Variants in GRK3 observed in about 807,000 individuals in gnomAD.
GRK3 encodes G protein-coupled receptor kinase 3, also known as adrenergic, beta, receptor kinase 2.
Under a neutral mutation model 95.7 loss-of-function variants are expected in GRK3, and 54 were observed. The ratio of observed to expected loss-of-function variants is 0.56; its 90% confidence interval spans 0.45 to 0.71. GRK3 has a LOEUF of 0.71. Ranked by LOEUF, GRK3 falls within the 30% of genes least tolerant of loss-of-function variation. GRK3 has a pLI of 0.00. For missense variants in GRK3, 649 were observed against 851.2 expected, an observed-to-expected ratio of 0.76 and a Z score of 2.96; for synonymous variants, 281 against 290.8, an observed-to-expected ratio of 0.97 and a Z score of 0.34.
intron 9 of GRK3, among the ~76,000 whole-genome samples, chr22:25,681,423 G>A (rs151075980): frequency 2.0e-3 from 306 of 152,130 alleles, no homozygotes; most frequent in African/African-American, 7.2e-3. Context: ...ACCTGGAGAG[G>A]AGCCAGTGCA....
At chr22:25,607,469 A>C (rs974903298) in intron 2 of GRK3, among the ~76,000 whole-genome samples, 1 of 152,066 alleles carries the variant, frequency 6.6e-6, no homozygotes, top group Non-Finnish European at 1.5e-5. Context: ...CCCCGCCAGC[A>C]CATGCACAGG....
At chr22:25,587,264 G>C (rs574221986) in intron 1 of GRK3, among the ~76,000 whole-genome samples, 3 of 152,072 alleles carry the variant, frequency 2.0e-5, no homozygotes, top group Non-Finnish European at 2.9e-5. Flanking sequence ...TTGGAAACAA[G>C]GAGGCTGCAA....
At chr22:25,709,760 A>C (rs550362280) in intron 15 of GRK3, 138 bp from the exon 16 acceptor site, 1 of 677,034 alleles carries the variant, frequency 1.5e-6, no homozygotes, top group Non-Finnish European at 2.7e-6. Flanking sequence ...GTTTTGAAGG[A>C]AGCATATTTG....
rs560292763 is a variant in GRK3 at position 25,722,655 on chromosome 22, C to A, written c.*205C>A. 74 of 506,000 alleles carry A rather than the reference C, an allele frequency of 1.5e-4. No individual in the cohort carries two copies. Among genetic ancestry groups the A allele is most frequent in the African/African-American group, 1.1e-3 (60 of 52,408 alleles). The allele number at this position is 506,000 out of a possible 1,614,324, so 31.3% of individuals were successfully genotyped here. A position where few individuals can be genotyped will look rare whatever the true frequency, so the allele number is the denominator to read the frequency against. On this transcript the variant is annotated 3_prime_UTR_variant, in exon 21 of 21. Coordinates refer to ENST00000324198, the MANE Select transcript of GRK3 (RefSeq NM_005160.4). ...AGAAACTACTGAAGAAATAAAAGTT[C>A]TTTTTCTTTGCTACACACTTTGGTA... is the stretch of plus-strand genomic sequence containing the variant.
At chr22:25,674,356 C>T in intron 7 of GRK3, 81 bp from the exon 8 acceptor site, 1 of 1,108,358 alleles carries the variant, frequency 9.0e-7, no homozygotes, top group Non-Finnish European at 1.4e-6. Context: ...TAATTACTGT[C>T]TATGTTTTGC....
chr22:25,631,262 C>A (rs921040619), intron 2 of GRK3, among the ~76,000 whole-genome samples: 2 of 152,148 alleles, frequency 1.3e-5, no homozygotes, highest in Non-Finnish European at 2.9e-5. Flanking sequence ...TGTTGTGTAT[C>A]CTGGACGTGT....
chr22:25,687,993 T>C (rs113734863), intron 11 of GRK3, among the ~76,000 whole-genome samples: 8 of 152,186 alleles, frequency 5.3e-5, no homozygotes, highest in African/African-American at 1.4e-4. Context: ...TCCCAGCACT[T>C]TGGGAGGCCA....
intron 2 of GRK3, among the ~76,000 whole-genome samples, chr22:25,621,831 G>T (rs1357742827): frequency 6.6e-6 from 1 of 152,138 alleles, no homozygotes; most frequent in Non-Finnish European, 1.5e-5. Flanking sequence ...TCCCAGACCT[G>T]TTAGAAAGTG....
intron 3 of GRK3, among the ~76,000 whole-genome samples, chr22:25,654,507 C>T (rs1177695890): frequency 6.6e-6 from 1 of 152,134 alleles, no homozygotes; most frequent in Non-Finnish European, 1.5e-5. Flanking sequence ...AATGTAAAAA[C>T]GTAAGCTAAA....
Position 25,710,968 on chromosome 22 carries a change from A to T in GRK3, c.1396-100A>T, listed in dbSNP as rs3730317. 1,520 of 585,292 alleles carry T rather than the reference A, an allele frequency of 2.6e-3. 22 individuals carry two copies. Among genetic ancestry groups the T allele is most frequent in the South Asian group, 0.023 (794 of 33,882 alleles). 36.3% of individuals were successfully genotyped at this position (585,292 alleles called of 1,614,324 possible). A position where few individuals can be genotyped will look rare whatever the true frequency, so the allele number is the denominator to read the frequency against. ...TGAATGACATGCTGCGCAGTGGAGCATGCGGATATCTCGCACTGTGCTGTC... is the reference window on the plus strand; with the variant it reads ...TGAATGACATGCTGCGCAGTGGAGCTTGCGGATATCTCGCACTGTGCTGTC... On this transcript the variant is annotated intron_variant, in intron 16 of 20. Coordinates refer to ENST00000324198, the MANE Select transcript of GRK3 (RefSeq NM_005160.4).
intron 2 of GRK3, among the ~76,000 whole-genome samples, chr22:25,610,196 C>G (rs1037068592): frequency 6.6e-6 from 1 of 152,068 alleles, no homozygotes; most frequent in African/African-American, 2.4e-5. Context: ...GGTGTGGTGG[C>G]TCATACCTGT....
intron 2 of GRK3, among the ~76,000 whole-genome samples, chr22:25,625,255 T>C (rs537566358): frequency 3.0e-4 from 45 of 152,320 alleles, no homozygotes; most frequent in Non-Finnish European, 6.0e-4. Context: ...ATGAATATCA[T>C]TAATCATTAG....
intron 2 of GRK3, among the ~76,000 whole-genome samples, chr22:25,629,988 A>AAG (rs140772363): frequency 0.029 from 4,483 of 152,322 alleles, 84 homozygotes; most frequent in African/African-American, 0.051. Flanking sequence ...AATTGCATTG[A>AAG]AGACCCCTTC....
chr22:25,680,809 T>G (rs2085068083), intron 9 of GRK3, among the ~76,000 whole-genome samples: 1 of 152,220 alleles, frequency 6.6e-6, no homozygotes, highest in South Asian at 2.1e-4. Flanking sequence ...GGGGATACTT[T>G]CTATAGTTTT....
At chr22:25,673,238 T>C (rs2084999168) in intron 7 of GRK3, among the ~76,000 whole-genome samples, 1 of 151,922 alleles carries the variant, frequency 6.6e-6, no homozygotes, top group Admixed American at 6.6e-5. Context: ...ATTTTTTGTA[T>C]TTTTTAGTAG....
At chr22:25,679,701 C>T (rs1327188324) in intron 9 of GRK3, among the ~76,000 whole-genome samples, 1 of 152,096 alleles carries the variant, frequency 6.6e-6, no homozygotes, top group South Asian at 2.1e-4. Context: ...TGGCTGTGAC[C>T]TGGTGTTCAG....
chr22:25,692,091 G>A (rs1569198009), intron 12 of GRK3, among the ~76,000 whole-genome samples: 1 of 152,080 alleles, frequency 6.6e-6, no homozygotes, highest in African/African-American at 2.4e-5. Flanking sequence ...AGCTTCCCAG[G>A]TAGCTGGGAC....
chr22:25,605,848 G>A (rs1455322794), intron 2 of GRK3, among the ~76,000 whole-genome samples: 1 of 152,178 alleles, frequency 6.6e-6, no homozygotes, highest in Non-Finnish European at 1.5e-5. Context: ...TTTTGCACTG[G>A]GCTTCTTCAG....
In GRK3 at chr22:25,663,631, CT is replaced by C; in HGVS notation, c.371del (p.Phe124SerfsTer6). ...AAATATTATTTTTGACTTTGATAGCCTTTCTCAAAGCAAGCTGTAGAACACG... is the reference window on the plus strand; with the variant it reads ...AAATATTATTTTTGACTTTGATAGCCTTCTCAAAGCAAGCTGTAGAACACG... ...IMKELLSCSH[P>X]FSKQAVEHVQ... is the part of the protein sequence containing the mutation. On this transcript the variant is annotated frameshift_variant and splice_region_variant, in exon 5 of 21. Transcript: ENST00000324198. LOFTEE classifies it high-confidence loss of function. The C allele has an allele frequency of 6.2e-7, 1 of 1,601,030 alleles. No individual in the cohort carries two copies. Among genetic ancestry groups the C allele is most frequent in the Non-Finnish European group, 8.5e-7 (1 of 1,173,238 alleles).
Sources: gnomAD v4.1 joint callset for allele counts (sites outside exome capture counted in the v4.1 genomes callset) on GRCh38, gnomAD v4.1.1 for gene constraint, MANE v1.5 for transcripts, NCBI Gene and HGNC (gene_info 2026-07-23, HGNC 2026-07-21) for gene names.